Variants in PSME4 observed in about 807,000 individuals in gnomAD.
PSME4 encodes the protein proteasome activator complex subunit 4.
In PSME4, 89 loss-of-function variants were observed where a neutral mutation model predicts 253.9. The observed-to-expected ratio is 0.35, with a 90% CI of 0.30 to 0.42. PSME4 has a LOEUF of 0.42. Among genes scored for constraint, PSME4 ranks in the 10% least tolerant of loss-of-function variants. PSME4 has a pLI of 1.00. For missense variants in PSME4, 2,014 were observed against 2,195.2 expected (o/e 0.92, Z 1.65); for synonymous variants, 851 against 759.2 (o/e 1.12, Z -1.99).
chr2:53,883,679 T>C (rs1204507526), intron 41 of PSME4, among the ~76,000 whole-genome samples: 2 of 152,192 alleles, frequency 1.3e-5, no homozygotes, highest in Non-Finnish European at 2.9e-5. Context: ...ATATGCTAAC[T>C]GAATCATCTC....
chr2:53,881,117 T>C (rs1679368446), intron 41 of PSME4, among the ~76,000 whole-genome samples: 1 of 152,212 alleles, frequency 6.6e-6, no homozygotes, highest in Admixed American at 6.5e-5. Context: ...TTTCACCAGA[T>C]AGATTATATA....
At chr2:53,953,691 G>A (rs1191116796) in intron 1 of PSME4, among the ~76,000 whole-genome samples, 1 of 151,068 alleles carries the variant, frequency 6.6e-6, no homozygotes, top group East Asian at 1.9e-4. Flanking sequence ...ACTCTGGTTT[G>A]ACTTTCCTGT....
Position 53,970,946 on chromosome 2 carries a change from T to C in PSME4, c.-162A>G, listed in dbSNP as rs1671056278. 3 of 553,146 alleles carry C rather than the reference T, an allele frequency of 5.4e-6. No individual in the cohort carries two copies. The highest frequency in any genetic ancestry group is 3.2e-5 in the South Asian group (1 of 31,722). The allele number at this position is 553,146 out of a possible 1,614,324, so 34.3% of individuals were successfully genotyped here. On this transcript the variant is annotated 5_prime_UTR_variant, in exon 1 of 47. Transcript: ENST00000404125. ...CCCCCTTCCCTGGCCGGCGTGCTGC[T>C]GGGCCCCACGCGGCTCTCAGTTCGT...
chr2:53,889,336 C>T (rs1381199961), intron 37 of PSME4, among the ~76,000 whole-genome samples: 5 of 152,084 alleles, frequency 3.3e-5, no homozygotes, highest in Non-Finnish European at 7.3e-5. Flanking sequence ...CTCCTGTACA[C>T]TTTAAATCTT....
intron 20 of PSME4, among the ~76,000 whole-genome samples, chr2:53,914,373 A>G (rs1223890596): frequency 6.6e-6 from 1 of 152,224 alleles, no homozygotes; most frequent in Non-Finnish European, 1.5e-5. Context: ...AGTATAAACT[A>G]TACCACAAAT....
rs756848079 is a variant in PSME4 at position 53,900,399 on chromosome 2, C to CTCA, written c.3286-383_3286-382insTGA. 4.7e-5 allele frequency among the ~76,000 whole-genome samples: 6 copies of CTCA among 128,444 alleles called. No individual in the cohort carries two copies. In the South Asian group the frequency reaches 1.0e-3, roughly 22 times the overall value. The allele number at this position is 128,444 out of a possible 152,430, so 84.3% of individuals were successfully genotyped here. On this transcript the variant is annotated intron_variant, in intron 28 of 46. Transcript: ENST00000404125. The stretch of plus-strand genomic sequence containing the variant: ...CACAGCAAGACCCCTGTCTCTCTCT[C>CTCA]AAAAAAAAAAAAACAACTTAAATTA...
intron 46 of PSME4, 149 bp downstream of exon 46, chr2:53,865,936 G>A: frequency 1.2e-6 from 1 of 848,816 alleles, no homozygotes; most frequent in Non-Finnish European, 1.7e-6. Context: ...AATGGCCGTA[G>A]CAAAAGCCAT....
At chr2:53,878,118 G>A (rs1679218424) in intron 41 of PSME4, among the ~76,000 whole-genome samples, 1 of 152,158 alleles carries the variant, frequency 6.6e-6, no homozygotes, top group East Asian at 1.9e-4. Flanking sequence ...CCCAAACGGA[G>A]GGACCGGCTG....
rs1668541957 is a variant in PSME4, at chr2:53,926,037, A to G, written c.1594-14T>C. ...TTCTCGTTCCACCTATAATATCCCA[A>G]TATGGAGAAAGATTACATATAGCCT... On this transcript the variant is annotated splice_polypyrimidine_tract_variant and intron_variant, in intron 12 of 46. Transcript: ENST00000404125. The G allele has an allele frequency of 3.1e-6, 5 of 1,601,492 alleles. No homozygotes were observed. Among genetic ancestry groups the G allele is most frequent in the Non-Finnish European group, 4.3e-6 (5 of 1,169,028 alleles).
intron 36 of PSME4, among the ~76,000 whole-genome samples, chr2:53,892,194 A>C (rs1269357129): frequency 6.6e-6 from 1 of 152,100 alleles, no homozygotes; most frequent in African/African-American, 2.4e-5. Context: ...TGACCAAAAA[A>C]CCCTATTTGT....
chr2:53,887,615 A>G, intron 39 of PSME4, 148 bp from the exon 40 acceptor site: 1 of 890,314 alleles, frequency 1.1e-6, no homozygotes. Flanking sequence ...AAGAAGCCTT[A>G]TAATTAAGGG....
intron 3 of PSME4, 61 bp downstream of exon 3, chr2:53,948,360 G>T: frequency 1.0e-6 from 1 of 978,526 alleles, no homozygotes; most frequent in Non-Finnish European, 1.6e-6. Context: ...TTTCAATCAT[G>T]ATCACCCCCC....
At chr2:53,892,599 A>T (rs1302646841) in intron 36 of PSME4, among the ~76,000 whole-genome samples, 2 of 152,162 alleles carry the variant, frequency 1.3e-5, no homozygotes, top group Non-Finnish European at 2.9e-5. Context: ...CAATGTGGAT[A>T]AAAACTTCAA....
At chr2:53,913,226 T>C (rs554956283) in intron 20 of PSME4, among the ~76,000 whole-genome samples, 3 of 152,250 alleles carry the variant, frequency 2.0e-5, no homozygotes, top group East Asian at 3.9e-4. Flanking sequence ...TAACATATAG[T>C]AAAATGTATT....
At chr2:53,961,173 A>G (rs1285441055) in intron 1 of PSME4, among the ~76,000 whole-genome samples, 1 of 152,196 alleles carries the variant, frequency 6.6e-6, no homozygotes, top group Non-Finnish European at 1.5e-5. Context: ...CAAGGTTCCA[A>G]ATGGGAATAT....
chr2:53,951,733 T>G (rs1186991550), intron 1 of PSME4, among the ~76,000 whole-genome samples: 1 of 152,212 alleles, frequency 6.6e-6, no homozygotes, highest in Non-Finnish European at 1.5e-5. Flanking sequence ...ATTTTTGGAT[T>G]TGAGATGCTC....
chr2:53,903,945 T>C (rs1443150673), intron 27 of PSME4, 80 bp downstream of exon 27: 9 of 1,166,356 alleles, frequency 7.7e-6, no homozygotes, highest in African/African-American at 7.7e-5. Flanking sequence ...GAAGAAGATA[T>C]GGATGTTTAC....
At chr2:53,886,245 GA>G (rs1192633463) in intron 40 of PSME4, among the ~76,000 whole-genome samples, 1 of 152,080 alleles carries the variant, frequency 6.6e-6, no homozygotes, top group Non-Finnish European at 1.5e-5. Flanking sequence ...CCTGTCTCTA[GA>G]AAATATTTAA....
At chr2:53,968,877 T>C (rs805309) in intron 1 of PSME4, among the ~76,000 whole-genome samples, 82,526 of 152,070 alleles carry the variant, frequency 0.54, 22,679 homozygotes, top group East Asian at 0.71. Context: ...ATAAATACTT[T>C]AGAAAACAAT....
Sources: allele counts gnomAD v4.1 joint callset (sites outside exome capture counted in the v4.1 genomes callset), GRCh38; gene constraint gnomAD v4.1.1; transcripts MANE v1.5; gene names NCBI Gene and HGNC (gene_info 2026-07-23, HGNC 2026-07-21).